Variants in SYNE1 observed in about 807,000 individuals in gnomAD.
The protein encoded by SYNE1 is nesprin-1.
Under a neutral mutation model 1,111.0 loss-of-function variants are expected in SYNE1, and 616 were observed. That is an observed-to-expected ratio of 0.55 (90% confidence interval 0.52 to 0.59). The LOEUF (loss-of-function observed/expected upper bound fraction) is 0.59. Among genes scored for constraint, SYNE1 ranks in the 20% least tolerant of loss-of-function variants. SYNE1 has a pLI of 0.00. For missense variants in SYNE1, 10,006 were observed against 10,417.0 expected, an observed-to-expected ratio of 0.96 and a Z score of 1.72; for synonymous variants, 3,855 against 3,825.8, an observed-to-expected ratio of 1.01 and a Z score of -0.28.
At chr6:152,229,118 G>C (rs780488547) in intron 115 of SYNE1, among the ~76,000 whole-genome samples, 3 of 152,226 alleles carry the variant, frequency 2.0e-5, no homozygotes, top group African/African-American at 7.2e-5. Context: ...AAAACATAAT[G>C]ATTGGAAGAG....
At chr6:152,155,182 A>C (rs2061161018) in intron 132 of SYNE1, 140 bp from the exon 133 acceptor site, 2 of 969,270 alleles carry the variant, frequency 2.1e-6, no homozygotes, top group East Asian at 5.0e-5. Flanking sequence ...CTCGAGCCAA[A>C]TTTGACCAGA....
At position 152,505,345 on chromosome 6, in the gene SYNE1, C is replaced by T; in HGVS notation, c.634G>A (p.Ala212Thr). The change falls in exon 9 of 146, where the codon GCC (alanine) becomes ACC (threonine). Residue 212 changes from alanine to threonine, a missense_variant. By Grantham distance (58) the Ala-to-Thr change is moderately conservative (BLOSUM62 0). Coordinates refer to ENST00000367255, the MANE Select transcript of SYNE1 (RefSeq NM_182961.4). Reference sequence around the variant, plus strand: ...ATGGCATGAATAACTGAATGAAAGGCAACCCCGCTTCTCCAACTCTTCCCA... The same window carrying T: ...ATGGCATGAATAACTGAATGAAAGGTAACCCCGCTTCTCCAACTCTTCCCA... ...DFGKSWRSGV[A>T]FHSVIHAIRP... 1 of 1,614,096 alleles carries T rather than the reference C, an allele frequency of 6.2e-7. No homozygotes were observed. Among genetic ancestry groups the T allele is most frequent in the Non-Finnish European group, 8.5e-7 (1 of 1,179,998 alleles).
chr6:152,167,368 A>G (rs1586716177), intron 130 of SYNE1, among the ~76,000 whole-genome samples: 1 of 152,232 alleles, frequency 6.6e-6, no homozygotes, highest in African/African-American at 2.4e-5. Flanking sequence ...AAAAGTCCAA[A>G]TTCTAAATAT....
chr6:152,590,794 C>G (rs182227418), intron 3 of SYNE1, among the ~76,000 whole-genome samples: 1 of 152,316 alleles, frequency 6.6e-6, no homozygotes, highest in East Asian at 1.9e-4. Flanking sequence ...TGAAACTCGT[C>G]TCACATACTA....
At chr6:152,588,865 T>G (rs1583000873) in intron 3 of SYNE1, among the ~76,000 whole-genome samples, 2 of 152,252 alleles carry the variant, frequency 1.3e-5, no homozygotes, top group Non-Finnish European at 2.9e-5. Flanking sequence ...AAGGGCACCT[T>G]TTGAAAAATA....
chr6:152,466,877 G>A (rs192311048), intron 16 of SYNE1, among the ~76,000 whole-genome samples: 85 of 152,138 alleles, frequency 5.6e-4, no homozygotes, highest in Admixed American at 1.2e-3. Context: ...AGTATAATGA[G>A]TTCCTATGAT....
Position 152,399,736 on chromosome 6 carries a change from C to A in SYNE1, c.7117G>T (p.Ala2373Ser). Residue 2373 changes from alanine (A) to serine (S), a missense_variant, in exon 48 of 146, where the codon GCT (alanine) becomes TCT (serine). This residue lies in a region of SYNE1 where 4,955 missense variants were observed against 5,017.2 expected (regional missense o/e 0.99). Coordinates refer to ENST00000367255, the MANE Select transcript of SYNE1 (RefSeq NM_182961.4). Reference protein sequence around the residue: ...LNSLCRKYHSAELESLGRAMT... With the variant: ...LNSLCRKYHSSELESLGRAMT... Reference sequence around the variant, plus strand: ...GCACGGCCCAGGCTCTCCAACTCAGCTGAGTGGTACTTGCGGCACAAGCTA... The same window carrying A: ...GCACGGCCCAGGCTCTCCAACTCAGATGAGTGGTACTTGCGGCACAAGCTA... The A allele has an allele frequency of 6.2e-7, 1 of 1,614,138 alleles. No individual in the cohort carries two copies. The highest frequency in any genetic ancestry group is 8.5e-7 in the Non-Finnish European group (1 of 1,180,018).
At chr6:152,427,537 T>G (rs1044425174) in intron 38 of SYNE1, 156 bp downstream of exon 38, 1 of 883,684 alleles carries the variant, frequency 1.1e-6, no homozygotes, top group Non-Finnish European at 1.7e-6. Flanking sequence ...GGTTGCTTTC[T>G]TCTTTTTGGA....
Position 152,325,126 on chromosome 6 carries a change from G to T in SYNE1, c.15615C>A (p.Ile5205=), listed in dbSNP as rs762262465. Residue 5205 remains isoleucine, a synonymous_variant, in exon 81 of 146, where the codon ATC becomes ATA. Transcript: ENST00000367255. ...TCCACTCATCCACTGCATCTTCCAG[G>T]ATCTTCTCCTGGTCCTGGGCCACAG... ...LRAVAQDQEK[I]LEDAVDEWTG... is the part of the protein sequence containing the mutation. 6.2e-7 allele frequency: 1 copy of T among 1,614,090 alleles called. No homozygotes were observed. Among genetic ancestry groups the T allele is most frequent in the Non-Finnish European group, 8.5e-7 (1 of 1,180,056 alleles).
rs190589538 is a variant in SYNE1, at chr6:152,184,676, A to T, written c.23302-4382T>A. ...GATAGATAGATAGATAGATAGATAG[A>T]TAAAATATATATTAAATCCCTTGTG... On this transcript the variant is annotated intron_variant, in intron 128 of 145. Coordinates refer to ENST00000367255, the MANE Select transcript of SYNE1 (RefSeq NM_182961.4). Among the ~76,000 whole-genome samples, 47 of 151,188 alleles carry T rather than the reference A, an allele frequency of 3.1e-4. No individual in the cohort carries two copies. The East Asian group carries it at 7.6e-3, about 24-fold the overall frequency.
At chr6:152,551,368 T>C (rs2099345906) in intron 3 of SYNE1, among the ~76,000 whole-genome samples, 1 of 152,124 alleles carries the variant, frequency 6.6e-6, no homozygotes, top group African/African-American at 2.4e-5. Flanking sequence ...ATGAACAGTA[T>C]TTAGTAGTCA....
At chr6:152,266,355 T>C (rs2153666708) in intron 100 of SYNE1, among the ~76,000 whole-genome samples, 1 of 152,286 alleles carries the variant, frequency 6.6e-6, no homozygotes, top group East Asian at 1.9e-4. Context: ...GATGGGTTCT[T>C]TGTCAAAATA....
chr6:152,317,104 T>C lies in SYNE1; in HGVS notation c.16573-118A>G, dbSNP rs931423. 843,072 of 1,145,816 alleles carry C rather than the reference T, an allele frequency of 0.74. 313,777 individuals carry two copies. The highest frequency in any genetic ancestry group is 0.97 in the East Asian group (40,431 of 41,762). 71.0% of individuals were successfully genotyped at this position (1,145,816 alleles called of 1,614,324 possible). On this transcript the variant is annotated intron_variant, in intron 86 of 145. Coordinates refer to ENST00000367255, the MANE Select transcript of SYNE1 (RefSeq NM_182961.4). ...TAGGGGTTGATCATTATAATACCTA[T>C]GATATTCAATGGTATCAAAAGATCG...
chr6:152,268,403 AACC>A lies in SYNE1; in HGVS notation c.18706-241_18706-239del, dbSNP rs570058305. Among the ~76,000 whole-genome samples the A allele has an allele frequency of 4.6e-5, 7 of 151,482 alleles. No individual in the cohort carries two copies. In the South Asian group the frequency reaches 8.3e-4, roughly 18 times the overall value. The stretch of plus-strand genomic sequence containing the variant: ...ATCTGGGGGTTAAAAAAAAAAAAAA[AACC>A]ACCAATGGGAAAAGAAAATTTTGCC... On this transcript the variant is annotated intron_variant, in intron 99 of 145. Coordinates refer to ENST00000367255, the MANE Select transcript of SYNE1 (RefSeq NM_182961.4).
chr6:152,401,438 A>C (rs1591942751), intron 46 of SYNE1, 97 bp from the exon 47 acceptor site: 1 of 1,195,700 alleles, frequency 8.4e-7, no homozygotes, highest in East Asian at 2.4e-5. Flanking sequence ...TGTCAAAGCC[A>C]CACAAGTCTC....
Position 152,385,837 on chromosome 6 carries a change from T to A in SYNE1, c.8489A>T (p.Glu2830Val). The A allele has an allele frequency of 6.2e-7, 1 of 1,614,016 alleles. No individual in the cohort carries two copies. Among genetic ancestry groups the A allele is most frequent in the Non-Finnish European group, 8.5e-7 (1 of 1,179,946 alleles). The change falls in exon 55 of 146, where the codon GAA (glutamate) becomes GTA (valine). Residue 2830 changes from glutamate (E) to valine (V), a missense_variant and splice_region_variant. Glu to Val is a moderately radical substitution (Grantham distance 121). This residue lies in a region of SYNE1 where 4,955 missense variants were observed against 5,017.2 expected (regional missense o/e 0.99). Coordinates refer to ENST00000367255, the MANE Select transcript of SYNE1 (RefSeq NM_182961.4). ...AATCTCTTCCACTTTCCTCATTTTT[T>A]CCTAGTAAACAAAGAAAAGACTACC... ...QFNDIMTVAKEKMRKVEEIVK... is the reference protein window; with the variant it reads ...QFNDIMTVAKVKMRKVEEIVK...
intron 129 of SYNE1, among the ~76,000 whole-genome samples, chr6:152,178,323 T>C (rs539952275): frequency 1.3e-5 from 2 of 152,298 alleles, no homozygotes; most frequent in African/African-American, 2.4e-5. Flanking sequence ...CTATAGTGCA[T>C]GAATCACGCA....
intron 20 of SYNE1, 171 bp downstream of exon 20, chr6:152,462,567 T>A (rs377580191): frequency 2.9e-6 from 2 of 699,696 alleles, no homozygotes; most frequent in South Asian, 1.8e-5. Flanking sequence ...AAGTCATGTC[T>A]TTTTTATGTT....
intron 104 of SYNE1, among the ~76,000 whole-genome samples, chr6:152,253,968 CAA>C (rs1219837919): frequency 3.3e-5 from 5 of 150,688 alleles, no homozygotes; most frequent in South Asian, 4.2e-4. Context: ...TATGTATTCT[CAA>C]AGAGTGCTTT....
Sources: gnomAD v4.1 joint callset for allele counts (sites outside exome capture counted in the v4.1 genomes callset) on GRCh38, gnomAD v4.1.1 for gene constraint, gnomAD v4.1.1 regional missense constraint, MANE v1.5 for transcripts, NCBI Gene and HGNC (gene_info 2026-07-23, HGNC 2026-07-21) for gene names.